PLOD2: variants seen among roughly 807,000 people sequenced by gnomAD.
PLOD2 encodes lysine hydroxylase 2.
In PLOD2, 65 loss-of-function variants were observed where a neutral mutation model predicts 101.0. The ratio of observed to expected loss-of-function variants is 0.64; its 90% CI spans 0.53 to 0.79. The LOEUF is 0.79. PLOD2 is among the 30% of genes least tolerant of loss of function. The pLI is 0.00. For missense variants in PLOD2, 909 were observed against 914.6 expected (o/e 0.99, Z 0.08); for synonymous variants, 314 against 302.9 (o/e 1.04, Z -0.38).
chr3:146,116,928 A>G (rs1311068205), intron 3 of PLOD2, among the ~76,000 whole-genome samples: 1 of 152,212 alleles, frequency 6.6e-6, no homozygotes, highest in African/African-American at 2.4e-5. Context: ...TAAGTTTAGA[A>G]TACATATTCC....
intron 4 of PLOD2, 135 bp from the exon 5 acceptor site, chr3:146,106,779 A>G: frequency 1.4e-6 from 1 of 692,572 alleles, no homozygotes; most frequent in Non-Finnish European, 2.6e-6. Flanking sequence ...TTCACAGCTC[A>G]CCATGAAAGA....
intron 15 of PLOD2, among the ~76,000 whole-genome samples, chr3:146,075,554 ACT>A (rs1936303347): frequency 6.6e-6 from 1 of 150,676 alleles, no homozygotes; most frequent in Admixed American, 6.7e-5. Context: ...TCAAGTTAAG[ACT>A]CCATATGCTG....
rs1936362271 is a variant in PLOD2, at chr3:146,076,877, A to G, written c.1582T>C (p.Ser528Pro). Residue 528 changes from serine to proline, a missense_variant, in exon 15 of 20, where the codon TCT (serine) becomes CCT (proline). Transcript: ENST00000282903. ...AGCCTTCCAAATTCATGTCTATTAG[A>G]AATGTACATAAATACACCCTATATG... ...SPPKGVFMYI[S>P]NRHEFGRLLS... The G allele has an allele frequency of 1.2e-5, 19 of 1,542,956 alleles. No individual in the cohort carries two copies. The highest frequency in any genetic ancestry group is 1.7e-5 in the Non-Finnish European group (19 of 1,116,386).
intron 13 of PLOD2, 24 bp downstream of exon 13, chr3:146,079,088 TCAAG>T: frequency 6.2e-7 from 1 of 1,608,326 alleles, no homozygotes; most frequent in Non-Finnish European, 8.5e-7. Context: ...ATAAGAACAT[TCAAG>T]CAAGCCATCA....
At chr3:146,139,134 T>C (rs986391837) in intron 1 of PLOD2, among the ~76,000 whole-genome samples, 4 of 152,084 alleles carry the variant, frequency 2.6e-5, no homozygotes, top group Non-Finnish European at 4.4e-5. Flanking sequence ...GGAACGGTAG[T>C]AAAGGAGGTA....
chr3:146,121,708 A>C (rs1384280085), intron 2 of PLOD2, among the ~76,000 whole-genome samples: 1 of 152,188 alleles, frequency 6.6e-6, no homozygotes, highest in African/African-American at 2.4e-5. Context: ...GGAATTGCAG[A>C]GGGCATCAAG....
chr3:146,088,697 T>TA lies in PLOD2; in HGVS notation c.893dup (p.Ser299IlefsTer7). 1 of 1,607,002 alleles carries TA rather than the reference T, an allele frequency of 6.2e-7. No homozygotes were observed. Among genetic ancestry groups the TA allele is most frequent in the Non-Finnish European group, 8.5e-7 (1 of 1,174,088 alleles). On this transcript the variant is annotated frameshift_variant, in exon 9 of 20. Transcript: ENST00000282903. LOFTEE classifies it high-confidence loss of function. ...GTTGCTCAATAAAAACACCTATTGA[T>TA]ACGTTTGGATGGACCTTTGTTTTAC...
intron 3 of PLOD2, among the ~76,000 whole-genome samples, chr3:146,119,669 A>C (rs573778795): frequency 1.8e-3 from 276 of 151,020 alleles, no homozygotes; most frequent in Middle Eastern, 3.4e-3. Context: ...TTCAATTCCC[A>C]CCTATGAGTG....
At chr3:146,150,734 TA>T (rs35302944) in intron 1 of PLOD2, among the ~76,000 whole-genome samples, 47,511 of 150,272 alleles carry the variant, frequency 0.32, 7,825 homozygotes, top group South Asian at 0.42. Flanking sequence ...AAATAAAAGT[TA>T]AAAAAAAAAG....
chr3:146,114,010 G>T (rs145465007), intron 3 of PLOD2, among the ~76,000 whole-genome samples: 1 of 152,070 alleles, frequency 6.6e-6, no homozygotes, highest in Non-Finnish European at 1.5e-5. Flanking sequence ...TGTCTTACAC[G>T]GTTGCAGATA....
chr3:146,133,955 G>T (rs1022891501), intron 1 of PLOD2, among the ~76,000 whole-genome samples: 54 of 152,260 alleles, frequency 3.5e-4, no homozygotes, highest in African/African-American at 1.3e-3. Flanking sequence ...AAGAGCTTGG[G>T]ATGCTAAATT....
intron 7 of PLOD2, among the ~76,000 whole-genome samples, chr3:146,092,807 G>A (rs1481873435): frequency 6.6e-6 from 1 of 152,052 alleles, no homozygotes; most frequent in Non-Finnish European, 1.5e-5. Flanking sequence ...AACATGTTAG[G>A]GAAGATCCTG....
In PLOD2 at chr3:146,161,144, A is replaced by G. The variant is rs1014107216; in HGVS notation, c.-155T>C. 20 of 427,490 alleles carry G rather than the reference A, an allele frequency of 4.7e-5. No individual in the cohort carries two copies. Among genetic ancestry groups the G allele is most frequent in the South Asian group, 4.1e-4 (7 of 16,922 alleles). The allele number at this position is 427,490 out of a possible 1,614,324, so 26.5% of individuals were successfully genotyped here. On this transcript the variant is annotated 5_prime_UTR_variant, in exon 1 of 20. Transcript: ENST00000282903. The stretch of plus-strand genomic sequence containing the variant: ...GCGGCCGGCAGCCGGAGCGGCGCGT[A>G]ACGCAGCTGAGTGAGGTCGTCGGTG...
intron 7 of PLOD2, among the ~76,000 whole-genome samples, chr3:146,095,561 A>G (rs1287180317): frequency 6.6e-6 from 1 of 152,140 alleles, no homozygotes; most frequent in African/African-American, 2.4e-5. Context: ...GAAATAACGG[A>G]TGCTGGTGAG....
Position 146,070,556 on chromosome 3 carries a change from C to A in PLOD2, c.*161G>T, listed in dbSNP as rs1188717138. On this transcript the variant is annotated 3_prime_UTR_variant, in exon 20 of 20. Transcript: ENST00000282903. ...AGAGCAGACATTAAGAAATATCAAA[C>A]AATTTTTTATAAAAAGTTTTTCAAA... The A allele has an allele frequency of 3.6e-6, 2 of 551,140 alleles. No homozygotes were observed. Among genetic ancestry groups the A allele is most frequent in the Non-Finnish European group, 6.5e-6 (2 of 308,078 alleles). The allele number at this position is 551,140 out of a possible 1,614,324, so 34.1% of individuals were successfully genotyped here. A position where few individuals can be genotyped will look rare whatever the true frequency, so the allele number is the denominator to read the frequency against.
At chr3:146,144,024 C>A (rs1368123481) in intron 1 of PLOD2, among the ~76,000 whole-genome samples, 1 of 152,056 alleles carries the variant, frequency 6.6e-6, no homozygotes, top group Non-Finnish European at 1.5e-5. Context: ...ACTGTGGTCC[C>A]CGCTGCCTGT....
chr3:146,089,281 T>G (rs1475466851), intron 8 of PLOD2, among the ~76,000 whole-genome samples: 1 of 151,556 alleles, frequency 6.6e-6, no homozygotes, highest in African/African-American at 2.4e-5. Context: ...ATATATTTTC[T>G]TAAGTTCTCT....
rs1356783556 is a variant in PLOD2 at position 146,121,105 on chromosome 3, C to T, written c.338+7G>A. On this transcript the variant is annotated splice_region_variant and intron_variant, in intron 3 of 19. Transcript: ENST00000282903. ...AGATTTTAAAATCCACAGGGTGTTT[C>T]TCCTACCATTCAGTAAACATGACAA... The T allele has an allele frequency of 1.3e-6, 2 of 1,579,244 alleles. No individual in the cohort carries two copies. The highest frequency in any genetic ancestry group is 1.1e-5 in the South Asian group (1 of 90,356).
At chr3:146,145,273 C>G (rs2031724676) in intron 1 of PLOD2, among the ~76,000 whole-genome samples, 1 of 152,120 alleles carries the variant, frequency 6.6e-6, no homozygotes, top group Admixed American at 6.6e-5. Context: ...AAAACTAAAA[C>G]TGCTATGGTG....
Sources: allele counts gnomAD v4.1 joint callset (sites outside exome capture counted in the v4.1 genomes callset), GRCh38; gene constraint gnomAD v4.1.1; transcripts MANE v1.5; gene names NCBI Gene and HGNC (gene_info 2026-07-23, HGNC 2026-07-21).